CCDC69: variants seen among roughly 807,000 people sequenced by gnomAD.
The protein encoded by CCDC69 is coiled-coil domain-containing protein 69.
A neutral mutation model predicts 40.3 loss-of-function variants in CCDC69; 38 were observed. That is an observed-to-expected ratio of 0.94 (90% CI 0.73 to 1.24). CCDC69 has a LOEUF of 1.24. Ranked by LOEUF, CCDC69 falls within the 50% of genes most tolerant of loss-of-function variation. The pLI is 0.00. For missense variants in CCDC69, 389 were observed against 357.9 expected (o/e 1.09, Z -0.70); for synonymous variants, 141 against 138.9 (o/e 1.02, Z -0.11).
chr5:151,182,515 G>A lies in CCDC69; in HGVS notation c.*922C>T, dbSNP rs1240692028. 6.5e-6 allele frequency: 1 copy of A among 154,764 alleles called. No homozygotes were observed. The highest frequency in any genetic ancestry group is 1.4e-5 in the Non-Finnish European group (1 of 69,736). 9.6% of individuals were successfully genotyped at this position (154,764 alleles called of 1,614,324 possible). On this transcript the variant is annotated 3_prime_UTR_variant, in exon 9 of 9. Transcript: ENST00000355417. ...GATCTGATTTTCCAGAGCCTGAAGA[G>A]AAAAACAGAGCAAAGGATAAGACCC...
intron 1 of CCDC69, among the ~76,000 whole-genome samples, chr5:151,216,108 G>A (rs1406290408): frequency 1.3e-5 from 2 of 152,170 alleles, no homozygotes; most frequent in African/African-American, 4.8e-5. Context: ...ACAGGCATGT[G>A]CCACCATGCC....
In CCDC69 at chr5:151,205,411, T is replaced by A. The variant is rs370703202; in HGVS notation, c.113A>T (p.Asn38Ile). 1.9e-5 allele frequency: 30 copies of A among 1,613,816 alleles called. No homozygotes were observed. Among genetic ancestry groups the A allele is most frequent in the African/African-American group, 4.0e-5 (3 of 75,024 alleles). ...GGCTGGCTACTCACCTGTGTCCCCA[T>A]TGAGGGGACCTAATTCATGGGGCTC... ...RPEPHELGPLNGDTAITVQLC... is the reference protein window; with the variant it reads ...RPEPHELGPLIGDTAITVQLC... The change falls in exon 2 of 9, where the codon AAT (asparagine) becomes ATT (isoleucine). Residue 38 changes from asparagine to isoleucine, a missense_variant. Physicochemically the swap from Asn to Ile is moderately radical, Grantham distance 149 (BLOSUM62 -3). Coordinates refer to ENST00000355417, the MANE Select transcript of CCDC69 (RefSeq NM_015621.3).
chr5:151,192,160 CAGAA>C (rs1462727895), intron 4 of CCDC69, among the ~76,000 whole-genome samples: 6 of 59,046 alleles, frequency 1.0e-4, no homozygotes, highest in Non-Finnish European at 2.0e-4. Context: ...AGCAAGCACA[CAGAA>C]GGAAGGAAAT....
chr5:151,214,300 C>A (rs1482231662), intron 1 of CCDC69, among the ~76,000 whole-genome samples: 1 of 152,112 alleles, frequency 6.6e-6, no homozygotes, highest in Admixed American at 6.5e-5. Flanking sequence ...GCCTATTGGC[C>A]GAGGGTAGAG....
In CCDC69 at chr5:151,183,634, C is replaced by T. The variant is rs561125345; in HGVS notation, c.714-20G>A. Reference sequence around the variant, plus strand: ...AGCTGCCTGTGGATGCACACAGAGCCCAGGGTTGCCTACTGGGAGCAGCTG... The same window carrying T: ...AGCTGCCTGTGGATGCACACAGAGCTCAGGGTTGCCTACTGGGAGCAGCTG... On this transcript the variant is annotated intron_variant, in intron 8 of 8. Transcript: ENST00000355417. The T allele has an allele frequency of 9.4e-6, 15 of 1,588,522 alleles. No individual in the cohort carries two copies. The African/African-American group carries it at 1.5e-4, about 16-fold the overall frequency.
At position 151,182,202 on chromosome 5, in the gene CCDC69, G is replaced by T; in HGVS notation, c.*1235C>A. The T allele has an allele frequency of 6.6e-6, 1 of 152,382 alleles. No individual in the cohort carries two copies. The allele number at this position is 152,382 out of a possible 1,614,324, so 9.4% of individuals were successfully genotyped here. On this transcript the variant is annotated 3_prime_UTR_variant, in exon 9 of 9. Coordinates refer to ENST00000355417, the MANE Select transcript of CCDC69 (RefSeq NM_015621.3). Reference sequence around the variant, plus strand: ...GAGGACCAGGGGAGGGAGGGGTATGGAAAGCCTTTGATGCAAATGCTCTAT... The same window carrying T: ...GAGGACCAGGGGAGGGAGGGGTATGTAAAGCCTTTGATGCAAATGCTCTAT...
chr5:151,182,814 G>A lies in CCDC69; in HGVS notation c.*623C>T. On this transcript the variant is annotated 3_prime_UTR_variant, in exon 9 of 9. Coordinates refer to ENST00000355417, the MANE Select transcript of CCDC69 (RefSeq NM_015621.3). ...TCAGCTGGGGAGGCTGCCTGGCCCT[G>A]TCAGCCCCAAGGGCCTTCAGAGACC... The A allele has an allele frequency of 2.9e-6, 1 of 343,434 alleles. No homozygotes were observed. The highest frequency in any genetic ancestry group is 5.8e-6 in the Non-Finnish European group (1 of 172,780). The allele number at this position is 343,434 out of a possible 1,614,324, so 21.3% of individuals were successfully genotyped here.
chr5:151,182,360 G>A lies in CCDC69; in HGVS notation c.*1077C>T, dbSNP rs1176043317. 2 of 152,736 alleles carry A rather than the reference G, an allele frequency of 1.3e-5. No individual in the cohort carries two copies. Among genetic ancestry groups the A allele is most frequent in the Admixed American group, 6.5e-5 (1 of 15,328 alleles). The allele number at this position is 152,736 out of a possible 1,614,324, so 9.5% of individuals were successfully genotyped here. ...CTAGCCACCCCTTTTCACTGATGGGGAAGCTGAGCACCAGGTTGTAAAAGC... is the reference window on the plus strand; with the variant it reads ...CTAGCCACCCCTTTTCACTGATGGGAAAGCTGAGCACCAGGTTGTAAAAGC... On this transcript the variant is annotated 3_prime_UTR_variant, in exon 9 of 9. Coordinates refer to ENST00000355417, the MANE Select transcript of CCDC69 (RefSeq NM_015621.3).
chr5:151,182,983 A>G lies in CCDC69; in HGVS notation c.*454T>C, dbSNP rs1326568560. ...TTTGACCAGTCCCCCCACCATTTTA[A>G]TGCAGGGGTAAACTGAGGCTCTGAG... On this transcript the variant is annotated 3_prime_UTR_variant, in exon 9 of 9. Coordinates refer to ENST00000355417, the MANE Select transcript of CCDC69 (RefSeq NM_015621.3). The G allele has an allele frequency of 2.2e-6, 1 of 454,176 alleles. No individual in the cohort carries two copies. The highest frequency in any genetic ancestry group is 4.4e-6 in the Non-Finnish European group (1 of 225,274). The allele number at this position is 454,176 out of a possible 1,614,324, so 28.1% of individuals were successfully genotyped here.
At position 151,182,025 on chromosome 5, in the gene CCDC69, T is replaced by C. The variant is rs1006327830; in HGVS notation, c.*1412A>G. On this transcript the variant is annotated 3_prime_UTR_variant, in exon 9 of 9. Transcript: ENST00000355417. ...AAGGCAGTCTGGGATGATGTCACTA[T>C]AGAATGACTGATGAAAAATGCAGAT... 4 of 152,374 alleles carry C rather than the reference T, an allele frequency of 2.6e-5. No homozygotes were observed. Among genetic ancestry groups the C allele is most frequent in the South Asian group, 4.1e-4 (2 of 4,826 alleles). The allele number at this position is 152,374 out of a possible 1,614,324, so 9.4% of individuals were successfully genotyped here.
At chr5:151,215,890 T>A (rs1753031157) in intron 1 of CCDC69, among the ~76,000 whole-genome samples, 1 of 152,258 alleles carries the variant, frequency 6.6e-6, no homozygotes, top group South Asian at 2.1e-4. Context: ...CATAATACTA[T>A]GTCATTTCAT....
chr5:151,196,306 G>A (rs1752699049), intron 4 of CCDC69, among the ~76,000 whole-genome samples: 2 of 151,988 alleles, frequency 1.3e-5, no homozygotes. Context: ...GATTATAGGT[G>A]CACACCACCA....
Position 151,201,588 on chromosome 5 carries a change from T to G in CCDC69, c.225A>C (p.Ala75=). The change falls in exon 3 of 9, where the codon GCA becomes GCC. Residue 75 remains alanine (A), a synonymous_variant. Transcript: ENST00000355417. ...TGGGGGCACCTGGACTTACCTGTTG[T>G]GCCCATTTCTTCTTTTCCTCCTCAT... The part of the protein sequence containing the change: ...QQHEEEKKKW[A]QQVEKERELE... 6.2e-7 allele frequency: 1 copy of G among 1,611,306 alleles called. No homozygotes were observed. The highest frequency in any genetic ancestry group is 8.5e-7 in the Non-Finnish European group (1 of 1,177,754).
intron 4 of CCDC69, among the ~76,000 whole-genome samples, chr5:151,195,333 G>A (rs1752681945): frequency 6.6e-6 from 1 of 152,164 alleles, no homozygotes; most frequent in Non-Finnish European, 1.5e-5. Flanking sequence ...GTCTTGTGAG[G>A]TACAGAAGGT....
chr5:151,204,620 G>C (rs1752827781), intron 2 of CCDC69, among the ~76,000 whole-genome samples: 1 of 152,058 alleles, frequency 6.6e-6, no homozygotes. Context: ...TTCTCCATTA[G>C]GACACTTCAG....
chr5:151,217,353 T>G (rs1753061075), intron 1 of CCDC69, among the ~76,000 whole-genome samples: 1 of 152,126 alleles, frequency 6.6e-6, no homozygotes, highest in South Asian at 2.1e-4. Flanking sequence ...CAAGATGGGT[T>G]CCAAAGGGAG....
intron 3 of CCDC69, 109 bp from the exon 4 acceptor site, chr5:151,199,193 T>G: frequency 1.2e-6 from 1 of 838,360 alleles, no homozygotes; most frequent in East Asian, 2.4e-5. Flanking sequence ...GTCCTAACCC[T>G]TCCTCTGAGG....
chr5:151,184,160 T>C (rs1395249667), intron 8 of CCDC69, among the ~76,000 whole-genome samples, 184 bp downstream of exon 8: 5 of 152,142 alleles, frequency 3.3e-5, no homozygotes, highest in Non-Finnish European at 4.4e-5. Context: ...CATTGGGACT[T>C]TGGTTTCTGA....
At chr5:151,218,534 C>T (rs1012693701) in intron 1 of CCDC69, among the ~76,000 whole-genome samples, 1 of 152,192 alleles carries the variant, frequency 6.6e-6, no homozygotes, top group African/African-American at 2.4e-5. Flanking sequence ...TATGAACATT[C>T]ATGAATTTCA....
Sources: allele counts gnomAD v4.1 joint callset (sites outside exome capture counted in the v4.1 genomes callset), GRCh38; gene constraint gnomAD v4.1.1; transcripts MANE v1.5; gene names NCBI Gene and HGNC (gene_info 2026-07-23, HGNC 2026-07-21).